The following SHB variants were observed in gnomAD, a reference collection of about 807,000 sequenced individuals.
The protein encoded by SHB is SH2 domain-containing adapter protein B.
SHB carries 20 observed loss-of-function variants against 52.3 expected under a neutral mutation model. The observed-to-expected ratio is 0.38, with a 90% CI of 0.27 to 0.56. The LOEUF is 0.56. SHB is among the 20% of genes least tolerant of loss of function. SHB has a pLI of 0.71. For missense variants in SHB, 825 were observed against 723.3 expected (o/e 1.14, Z -1.61); for synonymous variants, 397 against 316.5 (o/e 1.25, Z -2.70).
intron 5 of SHB, among the ~76,000 whole-genome samples, chr9:37,924,218 ACCT>A (rs1048415741): frequency 1.5e-4 from 23 of 151,956 alleles, no homozygotes; most frequent in Non-Finnish European, 2.9e-4. Context: ...CACAAAAAGC[ACCT>A]CCTCATCATC....
chr9:38,009,814 C>A (rs1419158225), intron 2 of SHB, among the ~76,000 whole-genome samples: 1 of 152,222 alleles, frequency 6.6e-6, no homozygotes, highest in African/African-American at 2.4e-5. Context: ...AGCAGGGGGG[C>A]TCTGTGTGAA....
Position 37,919,714 on chromosome 9 carries a change from A to C in SHB, c.*107T>G. 2 of 864,414 alleles carry C rather than the reference A, an allele frequency of 2.3e-6. No homozygotes were observed. The highest frequency in any genetic ancestry group is 3.1e-5 in the South Asian group (2 of 63,802). The allele number at this position is 864,414 out of a possible 1,614,324, so 53.5% of individuals were successfully genotyped here. A position where few individuals can be genotyped will look rare whatever the true frequency, so the allele number is the denominator to read the frequency against. On this transcript the variant is annotated 3_prime_UTR_variant, in exon 6 of 6. Transcript: ENST00000377707. ...GCAGTGGTGTGCTAGTACCATACAC[A>C]CAACACAAACGACACAGCCAGCAAC...
intron 2 of SHB, among the ~76,000 whole-genome samples, chr9:37,985,806 C>G (rs1344344197): frequency 6.6e-6 from 1 of 152,178 alleles, no homozygotes; most frequent in Non-Finnish European, 1.5e-5. Context: ...CATGGCTTAG[C>G]AGGAGAATCG....
intron 1 of SHB, among the ~76,000 whole-genome samples, chr9:38,024,799 G>C (rs778265722): frequency 6.8e-4 from 104 of 152,168 alleles, no homozygotes; most frequent in Non-Finnish European, 1.1e-3. Context: ...CATCCCTCCT[G>C]AGGACAAAAA....
At position 37,917,817 on chromosome 9, in the gene SHB, C is replaced by G. The variant is rs1486979456; in HGVS notation, c.*2004G>C. On this transcript the variant is annotated 3_prime_UTR_variant, in exon 6 of 6. Coordinates refer to ENST00000377707, the MANE Select transcript of SHB (RefSeq NM_003028.3). Reference sequence around the variant, plus strand: ...TTAAGAGATTAAACCCAGGCCACAGCCAGCGTGGTCTCTATGAGGGCTGGG... The same window carrying G: ...TTAAGAGATTAAACCCAGGCCACAGGCAGCGTGGTCTCTATGAGGGCTGGG... Among the ~76,000 whole-genome samples the G allele has an allele frequency of 6.6e-6, 1 of 152,364 alleles. No individual in the cohort carries two copies. The highest frequency in any genetic ancestry group is 1.9e-4 in the East Asian group (1 of 5,182).
intron 3 of SHB, among the ~76,000 whole-genome samples, chr9:37,959,661 A>G (rs1320215796): frequency 6.6e-6 from 1 of 152,194 alleles, no homozygotes; most frequent in Admixed American, 6.5e-5. Flanking sequence ...AGGGAGCCCA[A>G]GCTTTTCGGC....
intron 5 of SHB, among the ~76,000 whole-genome samples, chr9:37,924,187 G>GTTCA (rs1832217841): frequency 3.9e-5 from 6 of 152,236 alleles, no homozygotes; most frequent in Admixed American, 3.3e-4. Flanking sequence ...TGTCACAGGC[G>GTTCA]TTCAGATCGC....
chr9:37,957,595 GAC>G (rs1187322805), intron 3 of SHB, among the ~76,000 whole-genome samples: 1 of 152,192 alleles, frequency 6.6e-6, no homozygotes, highest in African/African-American at 2.4e-5. Context: ...ACCCAGCAGT[GAC>G]ACCAACAGGT....
At chr9:38,032,159 G>T (rs554576680) in intron 1 of SHB, among the ~76,000 whole-genome samples, 2 of 152,180 alleles carry the variant, frequency 1.3e-5, no homozygotes, top group South Asian at 4.2e-4. Context: ...GCTTACAGAG[G>T]GGGCACCGCC....
At chr9:37,920,158 G>A (rs968625631) in intron 5 of SHB, among the ~76,000 whole-genome samples, 154 bp from the exon 6 acceptor site, 9 of 152,192 alleles carry the variant, frequency 5.9e-5, no homozygotes, top group Middle Eastern at 3.4e-3. Context: ...AGGACCAGAT[G>A]AAATGCAGCT....
At chr9:37,924,510 C>G (rs1832222514) in intron 5 of SHB, among the ~76,000 whole-genome samples, 1 of 152,124 alleles carries the variant, frequency 6.6e-6, no homozygotes, top group South Asian at 2.1e-4. Context: ...GCCTTTGGGA[C>G]TAATGTGTGG....
At chr9:38,009,597 G>C (rs979076483) in intron 2 of SHB, among the ~76,000 whole-genome samples, 1 of 152,178 alleles carries the variant, frequency 6.6e-6, no homozygotes, top group Non-Finnish European at 1.5e-5. Context: ...GCCACAATTG[G>C]AACATCGTCT....
At chr9:38,046,061 T>C (rs1020109302) in intron 1 of SHB, among the ~76,000 whole-genome samples, 5 of 151,538 alleles carry the variant, frequency 3.3e-5, no homozygotes, top group African/African-American at 1.2e-4. Context: ...ACCCTGTGTC[T>C]ACTAAAAATA....
At chr9:37,969,866 C>T (rs752523602) in intron 3 of SHB, among the ~76,000 whole-genome samples, 1 of 152,220 alleles carries the variant, frequency 6.6e-6, no homozygotes, top group Admixed American at 6.5e-5. Flanking sequence ...ACATAGGCCT[C>T]GTGTGGGCCC....
chr9:38,056,624 G>A (rs1299949532), intron 1 of SHB, among the ~76,000 whole-genome samples: 2 of 152,206 alleles, frequency 1.3e-5, no homozygotes, highest in African/African-American at 2.4e-5. Context: ...GAGCCACCGC[G>A]CCCACATGGG....
chr9:37,975,715 C>T (rs1820645445), intron 2 of SHB, among the ~76,000 whole-genome samples: 1 of 152,160 alleles, frequency 6.6e-6, no homozygotes, highest in Non-Finnish European at 1.5e-5. Flanking sequence ...ATGTGCATGG[C>T]CCAAGCGGGG....
At chr9:38,022,154 G>A (rs1448718684) in intron 1 of SHB, among the ~76,000 whole-genome samples, 2 of 152,170 alleles carry the variant, frequency 1.3e-5, no homozygotes, top group Non-Finnish European at 2.9e-5. Flanking sequence ...ATCTCTTAGA[G>A]AATATGATCA....
chr9:37,932,904 T>C (rs1369190547), intron 5 of SHB, among the ~76,000 whole-genome samples: 2 of 152,228 alleles, frequency 1.3e-5, no homozygotes, highest in Non-Finnish European at 2.9e-5. Flanking sequence ...CATGAGGTAC[T>C]GCATCTAGCT....
intron 1 of SHB, among the ~76,000 whole-genome samples, chr9:38,042,915 C>T (rs113249988): frequency 1.1e-4 from 16 of 152,284 alleles, no homozygotes; most frequent in African/African-American, 3.8e-4. Flanking sequence ...AAGTCTCTGG[C>T]CATGCTCTAG....
Sources: gnomAD v4.1 joint callset for allele counts (sites outside exome capture counted in the v4.1 genomes callset) on GRCh38, gnomAD v4.1.1 for gene constraint, MANE v1.5 for transcripts, NCBI Gene and HGNC (gene_info 2026-07-23, HGNC 2026-07-21) for gene names.